IL20RA: variants seen among roughly 807,000 people sequenced by gnomAD.
The protein encoded by IL20RA is interleukin-20 receptor subunit alpha.
IL20RA carries 29 observed loss-of-function variants against 36.5 expected under a neutral mutation model. That is an observed-to-expected ratio of 0.79 (90% CI 0.59 to 1.08). The LOEUF is 1.08. Ranked by LOEUF, IL20RA falls within the 50% of genes least tolerant of loss-of-function variation. The probability of loss-of-function intolerance (pLI) is 0.00; values close to 1 mark genes in which losing one functional copy is unlikely to be tolerated. For missense variants in IL20RA, 652 were observed against 668.4 expected, an observed-to-expected ratio of 0.98 and a Z score of 0.27; for synonymous variants, 279 against 267.1, an observed-to-expected ratio of 1.04 and a Z score of -0.43.
intron 1 of IL20RA, 57 bp downstream of exon 1, chr6:137,044,584 G>C: frequency 8.2e-7 from 1 of 1,215,612 alleles, no homozygotes; most frequent in Non-Finnish European, 1.0e-6. Context: ...GCTCTGCCTG[G>C]CGGGGCCCCG....
In IL20RA at chr6:137,044,750, T is replaced by G. The variant is rs1776844496; in HGVS notation, c.-22A>C. The G allele has an allele frequency of 8.2e-7, 1 of 1,213,132 alleles. No homozygotes were observed. Among genetic ancestry groups the G allele is most frequent in the Non-Finnish European group, 1.0e-6 (1 of 976,292 alleles). The allele number at this position is 1,213,132 out of a possible 1,614,324, so 75.1% of individuals were successfully genotyped here. ...GCATGGGCGGCGGGGCTGGGTCACA[T>G]GTCGGGGGGCAGCAGACTGCTCAGT... is the stretch of plus-strand genomic sequence containing the variant. On this transcript the variant is annotated 5_prime_UTR_variant, in exon 1 of 7. An upstream start codon of the reference 5' UTR is lost. Coordinates refer to ENST00000316649, the MANE Select transcript of IL20RA (RefSeq NM_014432.4).
chr6:137,002,163 C>G lies in IL20RA; in HGVS notation c.1057G>C (p.Glu353Gln). 1 of 1,614,196 alleles carries G rather than the reference C, an allele frequency of 6.2e-7. No homozygotes were observed. The highest frequency in any genetic ancestry group is 8.5e-7 in the Non-Finnish European group (1 of 1,180,036). Residue 353 changes from glutamate (E) to glutamine (Q), a missense_variant, in exon 7 of 7, where the codon GAG (glutamate) becomes CAG (glutamine). Physicochemically the swap from Glu to Gln is conservative, Grantham distance 29. Transcript: ENST00000316649. ...QPSGNLRPPQ[E>Q]EEEVKHLGYA... is the part of the protein sequence containing the mutation. ...CCTAAATGTTTCACCTCCTCTTCCTCCTGAGGGGGCCTCAGGTTCCCGCTG... is the reference window on the plus strand; with the variant it reads ...CCTAAATGTTTCACCTCCTCTTCCTGCTGAGGGGGCCTCAGGTTCCCGCTG...
At chr6:137,024,030 G>T (rs1046199194) in intron 1 of IL20RA, among the ~76,000 whole-genome samples, 4 of 152,202 alleles carry the variant, frequency 2.6e-5, no homozygotes, top group East Asian at 1.9e-4. Context: ...GGAGGTGGAG[G>T]TTGCAGTGAG....
chr6:137,025,070 G>A (rs1431621167), intron 1 of IL20RA, among the ~76,000 whole-genome samples: 1 of 152,232 alleles, frequency 6.6e-6, no homozygotes, highest in Non-Finnish European at 1.5e-5. Flanking sequence ...TTGATTTCCT[G>A]TAGCTTGTAA....
intron 1 of IL20RA, among the ~76,000 whole-genome samples, chr6:137,034,704 G>T (rs372431474): frequency 2.0e-5 from 3 of 152,104 alleles, no homozygotes; most frequent in African/African-American, 7.2e-5. Flanking sequence ...ACTTTGGGAG[G>T]CCAAGGCGGG....
Position 137,008,699 on chromosome 6 carries a change from C to T in IL20RA, c.624G>A (p.Leu208=), listed in dbSNP as rs1158720284. Reference sequence around the variant, plus strand: ...GTACGCAGTAAAGAGTGTTCGGCTCCAGCCAGGTGAGCACCAGCGTGTGGT... The same window carrying T: ...GTACGCAGTAAAGAGTGTTCGGCTCTAGCCAGGTGAGCACCAGCGTGTGGT... ...VTNHTLVLTW[L]EPNTLYCVHV... The change falls in exon 5 of 7, where the codon CTG becomes CTA. Residue 208 remains leucine (L), a synonymous_variant. Coordinates refer to ENST00000316649, the MANE Select transcript of IL20RA (RefSeq NM_014432.4). The T allele has an allele frequency of 3.1e-6, 5 of 1,606,612 alleles. No homozygotes were observed. The highest frequency in any genetic ancestry group is 4.2e-6 in the Non-Finnish European group (5 of 1,176,562).
intron 1 of IL20RA, among the ~76,000 whole-genome samples, chr6:137,033,917 T>C (rs558892032): frequency 1.3e-5 from 2 of 152,286 alleles, no homozygotes; most frequent in African/African-American, 2.4e-5. Flanking sequence ...TTGCAACACC[T>C]CCAGAAACAA....
chr6:137,030,683 T>C (rs1322466110), intron 1 of IL20RA, among the ~76,000 whole-genome samples: 1 of 152,348 alleles, frequency 6.6e-6, no homozygotes, highest in Non-Finnish European at 1.5e-5. Context: ...ACAAACATTA[T>C]TTTTGTTGCC....
chr6:137,017,820 G>C lies in IL20RA; in HGVS notation c.89-717C>G, dbSNP rs573354070. Among the ~76,000 whole-genome samples, 48 of 152,216 alleles carry C rather than the reference G, an allele frequency of 3.2e-4. No homozygotes were observed. The South Asian group carries it at 9.6e-3, about 30-fold the overall frequency. ...GCACTCTAAGAAAAACTGTATCCTA[G>C]AGGATTAATTTACAGAAATCCTTGT... On this transcript the variant is annotated intron_variant, in intron 1 of 6. Coordinates refer to ENST00000316649, the MANE Select transcript of IL20RA (RefSeq NM_014432.4).
chr6:137,022,940 A>C (rs1775955084), intron 1 of IL20RA, among the ~76,000 whole-genome samples: 1 of 152,186 alleles, frequency 6.6e-6, no homozygotes, highest in South Asian at 2.1e-4. Context: ...TGCTGCCAAC[A>C]CCTTGATTTT....
Position 137,004,732 on chromosome 6 carries a change from G to T in IL20RA, c.753C>A (p.Ile251=). 6.3e-7 allele frequency: 1 copy of T among 1,595,614 alleles called. No individual in the cohort carries two copies. Among genetic ancestry groups the T allele is most frequent in the Non-Finnish European group, 8.5e-7 (1 of 1,175,258 alleles). The change falls in exon 6 of 7, where the codon ATC becomes ATA. Residue 251 remains isoleucine, a synonymous_variant. Coordinates refer to ENST00000316649, the MANE Select transcript of IL20RA (RefSeq NM_014432.4). ...ATACGGGCAAAACATACCAGAAGATGATTTTAGCCTTGAACTCTGATGATT... is the reference window on the plus strand; with the variant it reads ...ATACGGGCAAAACATACCAGAAGATTATTTTAGCCTTGAACTCTGATGATT... ...KDQSSEFKAK[I]IFWYVLPVSI...
intron 1 of IL20RA, among the ~76,000 whole-genome samples, chr6:137,033,507 C>A (rs1212035532): frequency 2.6e-5 from 4 of 152,200 alleles, no homozygotes; most frequent in Non-Finnish European, 5.9e-5. Context: ...CCGCTTGGTG[C>A]TGTTCTCCTG....
intron 1 of IL20RA, among the ~76,000 whole-genome samples, chr6:137,033,245 C>T (rs1776361650): frequency 6.6e-6 from 1 of 152,212 alleles, no homozygotes; most frequent in East Asian, 1.9e-4. Flanking sequence ...AGTCTCTGCT[C>T]ACCTTGGCCT....
chr6:137,039,337 T>C (rs564183760), intron 1 of IL20RA, among the ~76,000 whole-genome samples: 2 of 152,170 alleles, frequency 1.3e-5, no homozygotes, highest in Non-Finnish European at 2.9e-5. Flanking sequence ...TGATACTCTC[T>C]GGGGAGGCTG....
At chr6:137,038,123 A>G (rs766350031) in intron 1 of IL20RA, 1 of 151,984 alleles carries the variant, frequency 6.6e-6, no homozygotes, top group Non-Finnish European at 1.5e-5. Flanking sequence ...TTCTACATCA[A>G]AAGGAATTCT....
chr6:137,035,322 G>T (rs1776455341), intron 1 of IL20RA, among the ~76,000 whole-genome samples: 1 of 152,046 alleles, frequency 6.6e-6, no homozygotes, highest in Non-Finnish European at 1.5e-5. Context: ...ATATACATAT[G>T]CATACATGTA....
At chr6:137,015,979 TTC>T (rs1409600184) in intron 2 of IL20RA, among the ~76,000 whole-genome samples, 1 of 152,164 alleles carries the variant, frequency 6.6e-6, no homozygotes, top group Non-Finnish European at 1.5e-5. Context: ...AATTTTAAAC[TTC>T]TGTTTCCATC....
chr6:137,001,625 C>T lies in IL20RA; in HGVS notation c.1595G>A (p.Gly532Glu). 6.2e-7 allele frequency: 1 copy of T among 1,611,798 alleles called. No individual in the cohort carries two copies. Among genetic ancestry groups the T allele is most frequent in the Non-Finnish European group, 8.5e-7 (1 of 1,178,880 alleles). Residue 532 changes from glycine to glutamate, a missense_variant, in exon 7 of 7, where the codon GGA becomes GAA. Gly to Glu is a moderately conservative substitution (Grantham distance 98). Transcript: ENST00000316649. ...YEEPAPDRPP[G>E]ENETYLMQFM... ...TTGCATGAGATAGGTTTCATTTTCT[C>T]CTGGTGGCCTGTCTGGAGCCGGCTC...
intron 2 of IL20RA, among the ~76,000 whole-genome samples, chr6:137,014,798 C>T (rs574940207): frequency 6.6e-6 from 1 of 151,900 alleles, no homozygotes; most frequent in African/African-American, 2.4e-5. Flanking sequence ...CTTAGTTCTA[C>T]ACTGAGATGA....
Sources: gnomAD v4.1 joint callset for allele counts (sites outside exome capture counted in the v4.1 genomes callset) on GRCh38, gnomAD v4.1.1 for gene constraint, MANE v1.5 for transcripts, NCBI Gene and HGNC (gene_info 2026-07-23, HGNC 2026-07-21) for gene names.